Variants in CLTCL1 observed in about 807,000 individuals in gnomAD.
CLTCL1 encodes clathrin heavy chain like 1, also known as clathrin heavy chain 2.
A neutral mutation model predicts 190.0 loss-of-function variants in CLTCL1; 159 were observed. The observed-to-expected ratio is 0.84, with a 90% confidence interval of 0.74 to 0.95. The LOEUF (loss-of-function observed/expected upper bound fraction) is 0.95, where lower values mean the gene tolerates loss of function less well. CLTCL1 is among the 40% of genes least tolerant of loss of function. The pLI is 0.00. For synonymous variants in CLTCL1, 752 were observed against 769.6 expected (o/e 0.98, Z 0.38); for missense variants, 1,878 against 2,033.4 (o/e 0.92, Z 1.47).
At chr22:19,206,787 G>A (rs1555942962) in intron 22 of CLTCL1, among the ~76,000 whole-genome samples, 1 of 151,932 alleles carries the variant, frequency 6.6e-6, no homozygotes, top group African/African-American at 2.4e-5. Flanking sequence ...TCCAAGAAGT[G>A]CACTTGTAAC....
intron 2 of CLTCL1, among the ~76,000 whole-genome samples, chr22:19,263,615 T>C (rs1420881559): frequency 5.9e-5 from 9 of 152,098 alleles, no homozygotes; most frequent in Non-Finnish European, 4.4e-5. Context: ...GAGACAGGGT[T>C]TCACTGTGTT....
At chr22:19,248,080 T>C (rs1225133541) in intron 3 of CLTCL1, among the ~76,000 whole-genome samples, 2 of 151,610 alleles carry the variant, frequency 1.3e-5, no homozygotes, top group African/African-American at 4.8e-5. Context: ...GCAGATCACC[T>C]GAGGTCAGGA....
At position 19,196,553 on chromosome 22, in the gene CLTCL1, T is replaced by C. The variant is rs369672659; in HGVS notation, c.3977A>G (p.Lys1326Arg). The change falls in exon 25 of 33, where the codon AAA (lysine) becomes AGA (arginine). Residue 1326 changes from lysine (K) to arginine (R), a missense_variant. Physicochemically the swap from Lys to Arg is conservative, Grantham distance 26. Transcript: ENST00000427926. ...MFTELAILYS[K>R]FKPQKMLEHL... is the part of the protein sequence containing the mutation. ...CTCCAGCATCTTCTGTGGCTTGAATTTGGAGTAGAGGATGGCCAGCTCAGT... is the reference window on the plus strand; with the variant it reads ...CTCCAGCATCTTCTGTGGCTTGAATCTGGAGTAGAGGATGGCCAGCTCAGT... 1.4e-5 allele frequency: 23 copies of C among 1,613,982 alleles called. No individual in the cohort carries two copies. The African/African-American group carries it at 2.3e-4, about 16-fold the overall frequency.
intron 12 of CLTCL1, 42 bp downstream of exon 12, chr22:19,226,177 T>C: frequency 1.9e-6 from 3 of 1,596,278 alleles, no homozygotes; most frequent in Non-Finnish European, 2.6e-6. Flanking sequence ...ATTAATTGCA[T>C]AGACAACAGC....
intron 4 of CLTCL1, among the ~76,000 whole-genome samples, chr22:19,239,652 C>T (rs1310331946): frequency 1.3e-5 from 2 of 152,240 alleles, no homozygotes; most frequent in Non-Finnish European, 2.9e-5. Context: ...AGTCACTTCC[C>T]CTCCCCGGGC....
intron 18 of CLTCL1, among the ~76,000 whole-genome samples, chr22:19,219,177 A>AT: frequency 6.6e-6 from 1 of 151,532 alleles, no homozygotes; most frequent in African/African-American, 2.4e-5. Flanking sequence ...TTATTTATTT[A>AT]TTTATTTATT....
intron 18 of CLTCL1, among the ~76,000 whole-genome samples, chr22:19,217,981 G>C (rs2085445675): frequency 6.6e-6 from 1 of 152,136 alleles, no homozygotes; most frequent in African/African-American, 2.4e-5. Flanking sequence ...ACCTAAGGTT[G>C]CCTCAGGACA....
rs1227877776 is a variant in CLTCL1, at chr22:19,197,470, C to A, written c.3874-814G>T. 2.0e-5 allele frequency among the ~76,000 whole-genome samples: 3 copies of A among 152,006 alleles called. No homozygotes were observed. In the East Asian group the frequency reaches 5.8e-4, roughly 29 times the overall value. On this transcript the variant is annotated intron_variant, in intron 24 of 32. Transcript: ENST00000427926. ...ACCAAGGCCACAGCTCCGGTGACTC[C>A]TCATTTCTCTTCTGCCTTATTTTCA...
At chr22:19,233,064 C>A in intron 9 of CLTCL1, 102 bp downstream of exon 9, 1 of 1,265,022 alleles carries the variant, frequency 7.9e-7, no homozygotes, top group Non-Finnish European at 1.1e-6. Flanking sequence ...ACTCTCACAC[C>A]AGAGGACTTA....
rs563883927 is a variant in CLTCL1, at chr22:19,186,435, C to T, written c.4605+1123G>A. On this transcript the variant is annotated intron_variant, in intron 29 of 32. Transcript: ENST00000427926. ...ACCTGTCTAGCTGATGCCCAGATCC[C>T]GGTCTGAGAATGATACTAAGAAACC... is the stretch of plus-strand genomic sequence containing the variant. Among the ~76,000 whole-genome samples the T allele has an allele frequency of 3.9e-5, 6 of 152,102 alleles. No individual in the cohort carries two copies. In the South Asian group the frequency reaches 1.0e-3, roughly 26 times the overall value.
chr22:19,192,909 T>G (rs1384519620), intron 26 of CLTCL1, among the ~76,000 whole-genome samples: 2 of 152,318 alleles, frequency 1.3e-5, no homozygotes, highest in East Asian at 3.9e-4. Flanking sequence ...CCTGTCAGCC[T>G]TCTAGGCTGG....
At chr22:19,195,146 A>G (rs1555934725) in intron 26 of CLTCL1, among the ~76,000 whole-genome samples, 1 of 152,206 alleles carries the variant, frequency 6.6e-6, no homozygotes, top group Non-Finnish European at 1.5e-5. Context: ...TAAAATACAC[A>G]CAGGATTGAT....
Position 19,234,756 on chromosome 22 carries a change from C to T in CLTCL1, c.970-50G>A, listed in dbSNP as rs781970093. On this transcript the variant is annotated intron_variant, in intron 6 of 32. Coordinates refer to ENST00000427926, the MANE Select transcript of CLTCL1 (RefSeq NM_007098.4). ...CAGCCCGGCCTAGAAGAGTGCTCCA[C>T]CATCCCTCTGCCATGTTCCCTTCCG... 4.1e-6 allele frequency: 6 copies of T among 1,479,714 alleles called. No homozygotes were observed. The African/African-American group carries it at 6.9e-5, about 17-fold the overall frequency. The allele number at this position is 1,479,714 out of a possible 1,614,324, so 91.7% of individuals were successfully genotyped here.
At chr22:19,208,058 C>T in intron 22 of CLTCL1, 96 bp downstream of exon 22, 1 of 1,480,580 alleles carries the variant, frequency 6.8e-7, no homozygotes, top group Non-Finnish European at 9.3e-7. Flanking sequence ...TGAAACCAGT[C>T]CCTGGTGCCA....
rs2088136975 is a variant in CLTCL1 at position 19,291,707 on chromosome 22, G to C, written c.-66C>G. The stretch of plus-strand genomic sequence containing the variant: ...GAATGAACGCCGACCCCTCGCGCGG[G>C]CTGACCGGTGGCGACGGCGCAGGCG... On this transcript the variant is annotated 5_prime_UTR_variant, in exon 1 of 33. Transcript: ENST00000427926. The C allele has an allele frequency of 4.6e-6, 6 of 1,300,500 alleles. No individual in the cohort carries two copies. The South Asian group carries it at 6.7e-5, about 14-fold the overall frequency. The allele number at this position is 1,300,500 out of a possible 1,614,324, so 80.6% of individuals were successfully genotyped here.
chr22:19,291,633 C>G lies in CLTCL1; in HGVS notation c.9G>C (p.Gln3His), dbSNP rs993251743. MA[Q>H]ILPVRFQEHF... ...GCTCCTGAAAGCGAACAGGGAGGAT[C>G]TGCGCCATGGCTGGTGCGGGACCTC... The change falls in exon 1 of 33, where the codon CAG becomes CAC. Residue 3 changes from glutamine (Q) to histidine (H), a missense_variant. Coordinates refer to ENST00000427926, the MANE Select transcript of CLTCL1 (RefSeq NM_007098.4). The G allele has an allele frequency of 2.1e-6, 3 of 1,404,716 alleles. No homozygotes were observed. The highest frequency in any genetic ancestry group is 3.1e-5 in the East Asian group (1 of 32,118). 87.0% of individuals were successfully genotyped at this position (1,404,716 alleles called of 1,614,324 possible).
Position 19,196,593 on chromosome 22 carries a change from G to A in CLTCL1, c.3937C>T (p.His1313Tyr). The A allele has an allele frequency of 6.2e-7, 1 of 1,613,744 alleles. No homozygotes were observed. The highest frequency in any genetic ancestry group is 8.5e-7 in the Non-Finnish European group (1 of 1,179,764). The stretch of plus-strand genomic sequence containing the variant: ...GCCAGCTCAGTGAACATGCCCATGT[G>A]GGCCCGCTCCAGGCCCAGGGCCGCT... ...LEAALGLERA[H>Y]MGMFTELAIL... The change falls in exon 25 of 33, where the codon CAC becomes TAC. Residue 1313 changes from histidine (H) to tyrosine (Y), a missense_variant. His to Tyr is a moderately conservative substitution (Grantham distance 83). Coordinates refer to ENST00000427926, the MANE Select transcript of CLTCL1 (RefSeq NM_007098.4).
At chr22:19,207,772 T>C (rs569197446) in intron 22 of CLTCL1, 172 of 561,160 alleles carry the variant, frequency 3.1e-4, no homozygotes, top group African/African-American at 2.8e-3. Context: ...ACAAACCCTA[T>C]TGTGAACAGC....
chr22:19,206,474 G>A (rs1476731062), intron 22 of CLTCL1, among the ~76,000 whole-genome samples: 11 of 152,264 alleles, frequency 7.2e-5, no homozygotes, highest in Non-Finnish European at 2.9e-5. Flanking sequence ...TTGAACTCCT[G>A]GGCTCAAGTG....
Sources: gnomAD v4.1 joint callset for allele counts (sites outside exome capture counted in the v4.1 genomes callset) on GRCh38, gnomAD v4.1.1 for gene constraint, MANE v1.5 for transcripts, NCBI Gene and HGNC (gene_info 2026-07-23, HGNC 2026-07-21) for gene names.